The following FAM83F variants were observed in gnomAD, a reference collection of about 807,000 sequenced individuals.
FAM83F encodes protein FAM83F.
Under a neutral mutation model 42.9 loss-of-function variants are expected in FAM83F, and 45 were observed. That is an observed-to-expected ratio of 1.05 (90% CI 0.83 to 1.35). The LOEUF is 1.35. Among genes scored for constraint, FAM83F ranks in the 40% most tolerant of loss-of-function variants. The probability of loss-of-function intolerance (pLI) is 0.00; values close to 1 mark genes in which losing one functional copy is unlikely to be tolerated. For missense variants in FAM83F, 617 were observed against 695.9 expected (o/e 0.89, Z 1.28); for synonymous variants, 306 against 298.3 (o/e 1.03, Z -0.27).
chr22:40,024,487 T>G lies in FAM83F; in HGVS notation c.1453+2524T>G, dbSNP rs566952639. ...TCAGTGAGAACCTGAGCTCCTGCCT[T>G]TGGGCCCCCATGCAGGGAAAGTGTC... On this transcript the variant is annotated intron_variant, in intron 4 of 4. Transcript: ENST00000333407. Among the ~76,000 whole-genome samples, 8 of 152,332 alleles carry G rather than the reference T, an allele frequency of 5.3e-5. No homozygotes were observed. In the East Asian group the frequency reaches 1.3e-3, roughly 26 times the overall value.
rs1395033756 is a variant in FAM83F, at chr22:40,043,195, G to A, written c.*13630G>A. On this transcript the variant is annotated 3_prime_UTR_variant, in exon 5 of 5. Transcript: ENST00000333407. Reference sequence around the variant, plus strand: ...GGAGGTTACACAACAGCTTGGATCAGGAAGTGAAACAAGGGCGGTGATCCC... The same window carrying A: ...GGAGGTTACACAACAGCTTGGATCAAGAAGTGAAACAAGGGCGGTGATCCC... 1 of 152,174 alleles carries A rather than the reference G, an allele frequency of 6.6e-6. No individual in the cohort carries two copies. The highest frequency in any genetic ancestry group is 1.9e-4 in the East Asian group (1 of 5,198). 9.4% of individuals were successfully genotyped at this position (152,174 alleles called of 1,614,324 possible).
intron 2 of FAM83F, 108 bp from the exon 3 acceptor site, chr22:40,019,779 C>G: frequency 7.0e-7 from 1 of 1,425,700 alleles, no homozygotes; most frequent in South Asian, 1.5e-5. Context: ...AAGACAGGAG[C>G]CTGCAGGCAG....
Position 39,995,071 on chromosome 22 carries a change from A to ACGAGGCGCACGTGAACGAGAAGGTGAC in FAM83F, c.39_65dup (p.His13_Ala21dup). On this transcript the variant is annotated inframe_insertion, in exon 1 of 5. Coordinates refer to ENST00000333407, the MANE Select transcript of FAM83F (RefSeq NM_138435.4). The surrounding 1 kb of genome is among the most constrained non-coding windows in gnomAD (Gnocchi z 4.6). ...GCCGAGTCCCAGCTGAACTGCCTGG[A>ACGAGGCGCACGTGAACGAGAAGGTGAC]CGAGGCGCACGTGAACGAGAAGGTG... 1.5e-6 allele frequency: 2 copies of ACGAGGCGCACGTGAACGAGAAGGTGAC among 1,342,164 alleles called. No individual in the cohort carries two copies. The highest frequency in any genetic ancestry group is 1.9e-6 in the Non-Finnish European group (2 of 1,054,048). 83.1% of individuals were successfully genotyped at this position (1,342,164 alleles called of 1,614,324 possible).
intron 1 of FAM83F, among the ~76,000 whole-genome samples, chr22:40,002,191 A>G (rs751309565): frequency 2.0e-5 from 3 of 152,182 alleles, no homozygotes; most frequent in Non-Finnish European, 4.4e-5. Context: ...ACACACGGTC[A>G]TCCTGAAGGG....
At position 40,021,997 on chromosome 22, in the gene FAM83F, C is replaced by A; in HGVS notation, c.1453+34C>A. 1 of 1,506,146 alleles carries A rather than the reference C, an allele frequency of 6.6e-7. No homozygotes were observed. The allele number at this position is 1,506,146 out of a possible 1,614,324, so 93.3% of individuals were successfully genotyped here. A position where few individuals can be genotyped will look rare whatever the true frequency, so the allele number is the denominator to read the frequency against. On this transcript the variant is annotated intron_variant, in intron 4 of 4. Coordinates refer to ENST00000333407, the MANE Select transcript of FAM83F (RefSeq NM_138435.4). This position sits in a 1 kb window ranked among gnomAD's most constrained non-coding sequence, Gnocchi z 8.7. ...TCTTCCCTCTGGCCTGGTGCCTCCC[C>A]AGGCCTCTGGCCCTCGCCCCGCATC... is the stretch of plus-strand genomic sequence containing the variant.
intron 1 of FAM83F, among the ~76,000 whole-genome samples, chr22:40,014,223 T>C (rs1039993387): frequency 4.3e-4 from 64 of 149,930 alleles, no homozygotes; most frequent in African/African-American, 1.5e-3. Context: ...TTCACTTGCC[T>C]GAGACTTAAA....
At position 39,995,803 on chromosome 22, in the gene FAM83F, C is replaced by T. The variant is rs922442254; in HGVS notation, c.489+272C>T. Reference sequence around the variant, plus strand: ...GCTCTGCTCTGTACTTCTGAAACTTCCCTGTCCAGCCTTCCTCCCCAGGGA... The same window carrying T: ...GCTCTGCTCTGTACTTCTGAAACTTTCCTGTCCAGCCTTCCTCCCCAGGGA... On this transcript the variant is annotated intron_variant, in intron 1 of 4. Transcript: ENST00000333407. The surrounding 1 kb of genome is among the most constrained non-coding windows in gnomAD (Gnocchi z 4.6). 2.0e-5 allele frequency among the ~76,000 whole-genome samples: 3 copies of T among 152,228 alleles called. No individual in the cohort carries two copies. Among genetic ancestry groups the T allele is most frequent in the Non-Finnish European group, 2.9e-5 (2 of 68,034 alleles).
chr22:40,029,435 G>A, intron 4 of FAM83F, 81 bp from the exon 5 acceptor site: 2 of 1,528,788 alleles, frequency 1.3e-6, no homozygotes, highest in East Asian at 2.5e-5. Flanking sequence ...GATGTGGACA[G>A]CACACAGGGT....
chr22:40,003,867 C>T (rs1200056743), intron 1 of FAM83F, among the ~76,000 whole-genome samples: 1 of 152,090 alleles, frequency 6.6e-6, no homozygotes, highest in East Asian at 1.9e-4. Flanking sequence ...GCAGTCCTGG[C>T]AAGGCATGTG....
At chr22:40,005,068 C>T (rs2067420882) in intron 1 of FAM83F, among the ~76,000 whole-genome samples, 1 of 152,230 alleles carries the variant, frequency 6.6e-6, no homozygotes, top group Non-Finnish European at 1.5e-5. Flanking sequence ...TCTCAACTTG[C>T]CTCCGTAGGG....
At chr22:40,004,189 C>T (rs1170438840) in intron 1 of FAM83F, among the ~76,000 whole-genome samples, 1 of 152,072 alleles carries the variant, frequency 6.6e-6, no homozygotes, top group East Asian at 1.9e-4. Context: ...TAAATTTCAG[C>T]ACAGTGGTAG....
In FAM83F at chr22:40,023,076, C is replaced by T. The variant is rs1024247606; in HGVS notation, c.1453+1113C>T. 1.3e-5 allele frequency among the ~76,000 whole-genome samples: 2 copies of T among 152,224 alleles called. No homozygotes were observed. Among genetic ancestry groups the T allele is most frequent in the African/African-American group, 2.4e-5 (1 of 41,446 alleles). ...TGTGGGCACAGTGGGAGTGTCAGGG[C>T]GTTCCTTCTGTTTGGCCTGGAGACG... On this transcript the variant is annotated intron_variant, in intron 4 of 4. Coordinates refer to ENST00000333407, the MANE Select transcript of FAM83F (RefSeq NM_138435.4). The surrounding 1 kb of genome is among the most constrained non-coding windows in gnomAD (Gnocchi z 4.1).
chr22:40,008,572 A>G (rs2067447979), intron 1 of FAM83F, among the ~76,000 whole-genome samples: 1 of 152,210 alleles, frequency 6.6e-6, no homozygotes, highest in South Asian at 2.1e-4. Context: ...ATTATCCTGC[A>G]CGCAGCAGCC....
At position 40,040,082 on chromosome 22, in the gene FAM83F, C is replaced by G. The variant is rs1341298840; in HGVS notation, c.*10517C>G. 6.6e-6 allele frequency: 1 copy of G among 152,232 alleles called. No homozygotes were observed. The highest frequency in any genetic ancestry group is 6.5e-5 in the Admixed American group (1 of 15,288). The allele number at this position is 152,232 out of a possible 1,614,324, so 9.4% of individuals were successfully genotyped here. A position where few individuals can be genotyped will look rare whatever the true frequency, so the allele number is the denominator to read the frequency against. On this transcript the variant is annotated 3_prime_UTR_variant, in exon 5 of 5. Transcript: ENST00000333407. ...AGTTGGGACGTGGAGGAAGGACCAC[C>G]AGAGGCAGTAATTTAGCCGGAAAGA...
intron 4 of FAM83F, among the ~76,000 whole-genome samples, chr22:40,022,439 A>G (rs2067528596): frequency 6.6e-6 from 1 of 151,886 alleles, no homozygotes; most frequent in African/African-American, 2.4e-5. Flanking sequence ...CAGATCACCT[A>G]TTGTCAGGAT....
rs918973531 is a variant in FAM83F at position 40,036,732 on chromosome 22, C to T, written c.*7167C>T. 2 of 152,270 alleles carry T rather than the reference C, an allele frequency of 1.3e-5. No homozygotes were observed. The highest frequency in any genetic ancestry group is 4.8e-5 in the African/African-American group (2 of 41,440). 9.4% of individuals were successfully genotyped at this position (152,270 alleles called of 1,614,324 possible). ...TGGGACGGGGTCTAGGGGCCACAGTCCTGGTCCTGCGCAGGTGGCCCTGGA... is the reference window on the plus strand; with the variant it reads ...TGGGACGGGGTCTAGGGGCCACAGTTCTGGTCCTGCGCAGGTGGCCCTGGA... On this transcript the variant is annotated 3_prime_UTR_variant, in exon 5 of 5. Coordinates refer to ENST00000333407, the MANE Select transcript of FAM83F (RefSeq NM_138435.4).
rs2067370557 is a variant in FAM83F, at chr22:39,995,594, C to G, written c.489+63C>G. On this transcript the variant is annotated intron_variant, in intron 1 of 4. Transcript: ENST00000333407. This position sits in a 1 kb window ranked among gnomAD's most constrained non-coding sequence, Gnocchi z 4.6. Reference sequence around the variant, plus strand: ...CGGCCCCAGTCCCCTGGACCGGGCCCCACCTCCCAGGCAGGGCCCGGGGCA... The same window carrying G: ...CGGCCCCAGTCCCCTGGACCGGGCCGCACCTCCCAGGCAGGGCCCGGGGCA... 2.1e-6 allele frequency: 3 copies of G among 1,463,394 alleles called. No individual in the cohort carries two copies. Among genetic ancestry groups the G allele is most frequent in the Middle Eastern group, 3.6e-4 (2 of 5,524 alleles). 90.7% of individuals were successfully genotyped at this position (1,463,394 alleles called of 1,614,324 possible).
In FAM83F at chr22:40,015,231, G is replaced by C. The variant is rs75059017; in HGVS notation, c.490-3937G>C. 1.6e-3 allele frequency among the ~76,000 whole-genome samples: 241 copies of C among 152,290 alleles called. 1 individual carries two copies. The highest frequency in any genetic ancestry group is 5.6e-3 in the African/African-American group (232 of 41,562). On this transcript the variant is annotated intron_variant, in intron 1 of 4. Coordinates refer to ENST00000333407, the MANE Select transcript of FAM83F (RefSeq NM_138435.4). The stretch of plus-strand genomic sequence containing the variant: ...GGAAGAGCCGCAGTTTGAGCCCAGA[G>C]GCAGTCTGCTGGCAGAATTCCTTCC...
At chr22:40,018,390 G>A (rs1222726964) in intron 1 of FAM83F, among the ~76,000 whole-genome samples, 1 of 152,062 alleles carries the variant, frequency 6.6e-6, no homozygotes, top group Non-Finnish European at 1.5e-5. Context: ...AGGGTGTCAG[G>A]AGCAACTTTC....
Sources: gnomAD v4.1 joint callset for allele counts (sites outside exome capture counted in the v4.1 genomes callset) on GRCh38, gnomAD v4.1.1 for gene constraint, Gnocchi (gnomAD v3.1) non-coding constraint, MANE v1.5 for transcripts, NCBI Gene and HGNC (gene_info 2026-07-23, HGNC 2026-07-21) for gene names.